The following MRPS31 variants were observed in gnomAD, a reference collection of about 807,000 sequenced individuals.
MRPS31 encodes small ribosomal subunit protein mS31.
Under a neutral mutation model 43.1 loss-of-function variants are expected in MRPS31, and 32 were observed. The ratio of observed to expected loss-of-function variants is 0.74; its 90% CI spans 0.56 to 1.00. The LOEUF (loss-of-function observed/expected upper bound fraction) is 1.00, where lower values mean the gene tolerates loss of function less well. Ranked by LOEUF, MRPS31 falls within the 50% of genes least tolerant of loss-of-function variation. MRPS31 has a pLI of 0.00. For missense variants in MRPS31, 437 were observed against 466.7 expected (o/e 0.94, Z 0.59); for synonymous variants, 165 against 161.6 (o/e 1.02, Z -0.16).
chr13:40,764,513 TA>T (rs1215662724), intron 2 of MRPS31, among the ~76,000 whole-genome samples: 1 of 152,154 alleles, frequency 6.6e-6, no homozygotes, highest in Non-Finnish European at 1.5e-5. Flanking sequence ...TAAAAACAAA[TA>T]TCCCAGGAAA....
intron 5 of MRPS31, among the ~76,000 whole-genome samples, chr13:40,751,337 A>G (rs963784317): frequency 2.6e-5 from 4 of 152,234 alleles, no homozygotes; most frequent in African/African-American, 9.6e-5. Context: ...CATTTGTTAA[A>G]TATGTACTAT....
chr13:40,734,105 G>T (rs1415835660), intron 6 of MRPS31, among the ~76,000 whole-genome samples: 2 of 152,080 alleles, frequency 1.3e-5, no homozygotes, highest in African/African-American at 4.8e-5. Flanking sequence ...CTACAGCCTG[G>T]GTGACAAAGC....
chr13:40,742,508 C>G (rs924854993), intron 6 of MRPS31, among the ~76,000 whole-genome samples: 1 of 152,118 alleles, frequency 6.6e-6, no homozygotes, highest in African/African-American at 2.4e-5. Context: ...GCCATAATCT[C>G]ATCAAAAACA....
At chr13:40,735,225 C>G (rs1048774338) in intron 6 of MRPS31, among the ~76,000 whole-genome samples, 1 of 152,208 alleles carries the variant, frequency 6.6e-6, no homozygotes, top group African/African-American at 2.4e-5. Context: ...GCTTTTCCAA[C>G]GGGCTTAAAA....
At chr13:40,738,309 C>A (rs1287800086) in intron 6 of MRPS31, among the ~76,000 whole-genome samples, 1 of 152,060 alleles carries the variant, frequency 6.6e-6, no homozygotes, top group African/African-American at 2.4e-5. Flanking sequence ...GCTTACCAAC[C>A]AAAAAGAGTC....
intron 2 of MRPS31, among the ~76,000 whole-genome samples, chr13:40,762,101 C>T (rs1335065081): frequency 6.6e-6 from 1 of 151,304 alleles, no homozygotes; most frequent in South Asian, 2.1e-4. Flanking sequence ...AAAAAACTAG[C>T]CAGATGTGAT....
At chr13:40,740,990 A>AC (rs1880073456) in intron 6 of MRPS31, among the ~76,000 whole-genome samples, 1 of 151,288 alleles carries the variant, frequency 6.6e-6, no homozygotes, top group African/African-American at 2.4e-5. Flanking sequence ...ACAAAACAAC[A>AC]CCCCACACAA....
intron 3 of MRPS31, among the ~76,000 whole-genome samples, chr13:40,757,361 T>C (rs8002412): frequency 0.14 from 21,610 of 151,856 alleles, 1,891 homozygotes; most frequent in South Asian, 0.29. Context: ...GAGTTAGCCA[T>C]ATTTATTTGT....
At chr13:40,770,153 T>C (rs1055169989) in intron 1 of MRPS31, among the ~76,000 whole-genome samples, 1 of 152,196 alleles carries the variant, frequency 6.6e-6, no homozygotes, top group Admixed American at 6.5e-5. Context: ...CCTACCATTA[T>C]CCCATGACGT....
intron 5 of MRPS31, chr13:40,749,720 T>C (rs1228110353): frequency 6.6e-6 from 1 of 152,508 alleles, no homozygotes; most frequent in Non-Finnish European, 1.5e-5. Flanking sequence ...TGCTAATGAA[T>C]ACTGAGTACT....
At chr13:40,747,109 C>T (rs1880260362) in intron 6 of MRPS31, among the ~76,000 whole-genome samples, 1 of 151,094 alleles carries the variant, frequency 6.6e-6, no homozygotes, top group South Asian at 2.1e-4. Flanking sequence ...GGCACAGTTT[C>T]GCTCTGTCAC....
rs995561390 is a variant in MRPS31, at chr13:40,730,427, A to G, written c.959-826T>C. Among the ~76,000 whole-genome samples the G allele has an allele frequency of 3.9e-5, 6 of 152,204 alleles. No homozygotes were observed. In the South Asian group the frequency reaches 1.2e-3, roughly 32 times the overall value. On this transcript the variant is annotated intron_variant, in intron 6 of 6. Coordinates refer to ENST00000323563, the MANE Select transcript of MRPS31 (RefSeq NM_005830.4). ...GTAATCCCAGCTACTTGGGAGGCTGAGGTATAAGAATTGTTTGAACCCAAG... is the reference window on the plus strand; with the variant it reads ...GTAATCCCAGCTACTTGGGAGGCTGGGGTATAAGAATTGTTTGAACCCAAG...
intron 4 of MRPS31, among the ~76,000 whole-genome samples, chr13:40,754,710 C>T (rs1306476455): frequency 6.6e-6 from 1 of 152,236 alleles, no homozygotes; most frequent in Non-Finnish European, 1.5e-5. Context: ...AATACATTTA[C>T]TGGCAGATTA....
intron 2 of MRPS31, among the ~76,000 whole-genome samples, chr13:40,765,544 ATATATAACCATT>A (rs542859390): frequency 2.8e-4 from 42 of 152,126 alleles, no homozygotes; most frequent in African/African-American, 9.9e-4. Context: ...CCATATACTT[ATATATAACCATT>A]TTGTTTCTAA....
intron 6 of MRPS31, among the ~76,000 whole-genome samples, chr13:40,734,881 G>A (rs913248627): frequency 1.3e-5 from 2 of 152,188 alleles, no homozygotes; most frequent in Non-Finnish European, 2.9e-5. Flanking sequence ...GGGTGACGGA[G>A]TGAGACCCTG....
At chr13:40,754,687 A>G (rs550409235) in intron 4 of MRPS31, among the ~76,000 whole-genome samples, 2 of 152,362 alleles carry the variant, frequency 1.3e-5, no homozygotes, top group Admixed American at 1.3e-4. Context: ...GCATCAATTC[A>G]CATATTTACT....
chr13:40,756,907 G>T lies in MRPS31; in HGVS notation c.706C>A (p.Pro236Thr), dbSNP rs774829178. The change falls in exon 4 of 7, where the codon CCT (proline) becomes ACT (threonine). Residue 236 changes from proline to threonine, a missense_variant. Pro to Thr is a conservative substitution (Grantham distance 38, BLOSUM62 -1). Transcript: ENST00000323563. Reference protein sequence around the residue: ...IQFDEGYDNYPGQEKTDDLKK... With the variant: ...IQFDEGYDNYTGQEKTDDLKK... ...AGATCATCCGTCTTCTCCTGGCCAGGATAATTGTCATAGCCTTCATCAAAC... is the reference window on the plus strand; with the variant it reads ...AGATCATCCGTCTTCTCCTGGCCAGTATAATTGTCATAGCCTTCATCAAAC... The T allele has an allele frequency of 2.0e-5, 32 of 1,613,696 alleles. 1 individual carries two copies. The African/African-American group carries it at 4.1e-4, about 21-fold the overall frequency.
chr13:40,731,540 T>G (rs1269502914), intron 6 of MRPS31, among the ~76,000 whole-genome samples: 4 of 138,770 alleles, frequency 2.9e-5, no homozygotes, highest in Non-Finnish European at 6.1e-5. Flanking sequence ...TGAGATTGCG[T>G]CACTGCACTC....
rs200945115 is a variant in MRPS31 at position 40,766,919 on chromosome 13, G to A, written c.267C>T (p.Asp89=). ...ETSKETSESQ[D]SEKENTKKDL... is the part of the protein sequence containing the mutation. ...CTTTTTTCGTATTTTCCTTTTCACT[G>A]TCTTGGCTCTCTGAAGTCTCCTTGG... The change falls in exon 2 of 7, where the codon GAC becomes GAT. Residue 89 remains aspartate, a synonymous_variant. Transcript: ENST00000323563. The A allele has an allele frequency of 1.2e-6, 2 of 1,613,950 alleles. No homozygotes were observed. The highest frequency in any genetic ancestry group is 2.2e-5 in the South Asian group (2 of 91,076).
Sources: gnomAD v4.1 joint callset for allele counts (sites outside exome capture counted in the v4.1 genomes callset) on GRCh38, gnomAD v4.1.1 for gene constraint, MANE v1.5 for transcripts, NCBI Gene and HGNC (gene_info 2026-07-23, HGNC 2026-07-21) for gene names.